TMEM132D: variants seen among roughly 807,000 people sequenced by gnomAD.
TMEM132D encodes the protein transmembrane protein 132D.
A neutral mutation model predicts 62.3 loss-of-function variants in TMEM132D; 21 were observed. That is an observed-to-expected ratio of 0.34 (90% CI 0.24 to 0.49). TMEM132D has a LOEUF of 0.49. Ranked by LOEUF, TMEM132D falls within the 20% of genes least tolerant of loss-of-function variation. The pLI, the probability that TMEM132D is intolerant of heterozygous loss-of-function variation, is 0.99. For missense variants in TMEM132D, 1,346 were observed against 1,402.8 expected (o/e 0.96, Z 0.65); for synonymous variants, 621 against 575.6 (o/e 1.08, Z -1.13).
chr12:129,564,794 TC>T, intron 2 of TMEM132D, among the ~76,000 whole-genome samples: 1 of 152,332 alleles, frequency 6.6e-6, no homozygotes, highest in East Asian at 1.9e-4. Context: ...TCACTGTGCT[TC>T]CATTTGTACT....
chr12:129,639,642 C>T (rs1348621491), intron 2 of TMEM132D, among the ~76,000 whole-genome samples: 1 of 152,126 alleles, frequency 6.6e-6, no homozygotes, highest in African/African-American at 2.4e-5. Context: ...CAACAAGCCA[C>T]ATTCATAAAA....
chr12:129,536,882 C>T (rs139728436), intron 2 of TMEM132D, among the ~76,000 whole-genome samples: 9 of 152,184 alleles, frequency 5.9e-5, no homozygotes, highest in African/African-American at 1.9e-4. Flanking sequence ...TGCGGCCGGG[C>T]GCGGTAGCTC....
At chr12:129,500,994 C>A (rs547690077) in intron 3 of TMEM132D, among the ~76,000 whole-genome samples, 56 of 127,494 alleles carry the variant, frequency 4.4e-4, no homozygotes, top group Non-Finnish European at 6.0e-4. Context: ...TACATCTTTC[C>A]TGGTCTGTCT....
intron 4 of TMEM132D, among the ~76,000 whole-genome samples, chr12:129,233,629 T>C (rs1400843098): frequency 6.6e-6 from 1 of 152,080 alleles, no homozygotes; most frequent in Non-Finnish European, 1.5e-5. Flanking sequence ...AAATTTTATT[T>C]ATTTATTTAT....
At chr12:129,829,806 A>G (rs1368245410) in intron 1 of TMEM132D, among the ~76,000 whole-genome samples, 1 of 152,158 alleles carries the variant, frequency 6.6e-6, no homozygotes. Flanking sequence ...CAAAGCCAAG[A>G]CAGCAAAAAA....
chr12:129,544,643 T>C (rs754433183), intron 2 of TMEM132D, among the ~76,000 whole-genome samples: 15 of 152,158 alleles, frequency 9.9e-5, no homozygotes, highest in Non-Finnish European at 1.6e-4. Flanking sequence ...TAATACCACA[T>C]ATTTCAGTAA....
At chr12:129,079,527 G>A (rs1035890544) in intron 7 of TMEM132D, among the ~76,000 whole-genome samples, 1 of 152,160 alleles carries the variant, frequency 6.6e-6, no homozygotes, top group African/African-American at 2.4e-5. Flanking sequence ...ATGATAAACA[G>A]CTGTCTTAGA....
intron 3 of TMEM132D, among the ~76,000 whole-genome samples, chr12:129,375,115 A>G (rs566194053): frequency 3.3e-5 from 5 of 152,242 alleles, no homozygotes; most frequent in Non-Finnish European, 5.9e-5. Flanking sequence ...CTTGGGCTGC[A>G]GTACAGCTTT....
At chr12:129,512,185 C>T (rs1447154025) in intron 3 of TMEM132D, among the ~76,000 whole-genome samples, 3 of 152,330 alleles carry the variant, frequency 2.0e-5, no homozygotes, top group African/African-American at 7.2e-5. Flanking sequence ...TCTTACCCCA[C>T]TACTTTCTGA....
intron 1 of TMEM132D, among the ~76,000 whole-genome samples, chr12:129,767,195 A>G (rs563060978): frequency 3.3e-5 from 5 of 152,196 alleles, no homozygotes; most frequent in African/African-American, 4.8e-5. Context: ...TTTTTCTGAA[A>G]AGCATAAAAG....
chr12:129,777,583 C>T (rs1362342513), intron 1 of TMEM132D, among the ~76,000 whole-genome samples: 1 of 152,150 alleles, frequency 6.6e-6, no homozygotes, highest in African/African-American at 2.4e-5. Flanking sequence ...CAAGAAGAAC[C>T]CAGCTCTGGA....
intron 4 of TMEM132D, among the ~76,000 whole-genome samples, chr12:129,242,651 C>T (rs918359848): frequency 6.6e-6 from 1 of 151,966 alleles, no homozygotes. Context: ...TTTCTATTTA[C>T]CCAGGCTTTT....
At chr12:129,640,478 T>A (rs1313760318) in intron 2 of TMEM132D, among the ~76,000 whole-genome samples, 1 of 152,152 alleles carries the variant, frequency 6.6e-6, no homozygotes, top group East Asian at 1.9e-4. Context: ...CCTGACCACA[T>A]TATCCAAAGA....
chr12:129,151,768 C>A (rs1196416286), intron 5 of TMEM132D, among the ~76,000 whole-genome samples: 1 of 152,070 alleles, frequency 6.6e-6, no homozygotes, highest in Non-Finnish European at 1.5e-5. Flanking sequence ...CTGTCTGCTT[C>A]TCTTCTGATT....
chr12:129,338,586 G>T (rs1318788619), intron 3 of TMEM132D, among the ~76,000 whole-genome samples: 2 of 152,110 alleles, frequency 1.3e-5, no homozygotes. Context: ...ATGTAGATTT[G>T]GTGCCTGCCT....
chr12:129,370,377 T>G (rs900259), intron 3 of TMEM132D, among the ~76,000 whole-genome samples: 26,133 of 152,250 alleles, frequency 0.17, 2,745 homozygotes, highest in Non-Finnish European at 0.24. Flanking sequence ...TGGTCTTTCG[T>G]GTGAATGAAT....
chr12:129,076,887 T>A (rs1593251768), intron 8 of TMEM132D, among the ~76,000 whole-genome samples: 1 of 152,220 alleles, frequency 6.6e-6, no homozygotes, highest in Non-Finnish European at 1.5e-5. Flanking sequence ...GCTGATGTTA[T>A]CACCCACAAA....
At position 129,515,668 on chromosome 12, in the gene TMEM132D, C is replaced by T. The variant is rs114370699; in HGVS notation, c.1115+15391G>A. ...AGAGAAGGTTGTAATACCCTCATTC[C>T]AGAGGGGTCCTGCCCTATATCTGAA... On this transcript the variant is annotated intron_variant, in intron 3 of 8. Coordinates refer to ENST00000422113, the MANE Select transcript of TMEM132D (RefSeq NM_133448.3). Among the ~76,000 whole-genome samples the T allele has an allele frequency of 6.4e-3, 982 of 152,258 alleles. 5 individuals are homozygous for T. The highest frequency in any genetic ancestry group is 0.022 in the African/African-American group (930 of 41,536).
intron 2 of TMEM132D, among the ~76,000 whole-genome samples, chr12:129,660,945 C>G (rs901216572): frequency 6.6e-6 from 1 of 152,120 alleles, no homozygotes; most frequent in African/African-American, 2.4e-5. Flanking sequence ...AAATGCACTC[C>G]CAGTAACATC....
Sources: allele counts gnomAD v4.1 joint callset (sites outside exome capture counted in the v4.1 genomes callset), GRCh38; gene constraint gnomAD v4.1.1; transcripts MANE v1.5; gene names NCBI Gene and HGNC (gene_info 2026-07-23, HGNC 2026-07-21).